Variants in KCND3 observed in about 807,000 individuals in gnomAD.
The protein encoded by KCND3 is A-type voltage-gated potassium channel KCND3.
Under a neutral mutation model 51.1 loss-of-function variants are expected in KCND3, and 9 were observed. That is an observed-to-expected ratio of 0.18 (90% CI 0.11 to 0.31). The LOEUF (loss-of-function observed/expected upper bound fraction) is 0.31. KCND3 is among the 10% of genes least tolerant of loss of function. KCND3 has a pLI of 1.00. For missense variants in KCND3, 526 were observed against 903.8 expected (o/e 0.58, Z 5.36); for synonymous variants, 349 against 368.0 (o/e 0.95, Z 0.59).
chr1:111,955,613 G>A (rs1189368883), intron 2 of KCND3, among the ~76,000 whole-genome samples: 1 of 152,190 alleles, frequency 6.6e-6, no homozygotes, highest in East Asian at 1.9e-4. Context: ...TGAACAGCTT[G>A]ACACAAGGTT....
At chr1:111,879,409 A>T (rs754074694) in intron 2 of KCND3, among the ~76,000 whole-genome samples, 3 of 152,152 alleles carry the variant, frequency 2.0e-5, no homozygotes, top group Non-Finnish European at 4.4e-5. Flanking sequence ...TGGCCCCTGA[A>T]ATACAGCCTT....
At chr1:111,884,570 G>A (rs1669484088) in intron 2 of KCND3, among the ~76,000 whole-genome samples, 1 of 152,198 alleles carries the variant, frequency 6.6e-6, no homozygotes, top group South Asian at 2.1e-4. Context: ...ACCACGCTGA[G>A]AGATCTCCTT....
At chr1:111,860,651 G>A (rs1668297225) in intron 2 of KCND3, among the ~76,000 whole-genome samples, 1 of 152,178 alleles carries the variant, frequency 6.6e-6, no homozygotes, top group African/African-American at 2.4e-5. Flanking sequence ...CATAGTGACA[G>A]TTCCAGTTTA....
At chr1:111,946,962 A>G (rs1672808155) in intron 2 of KCND3, among the ~76,000 whole-genome samples, 1 of 152,204 alleles carries the variant, frequency 6.6e-6, no homozygotes, top group Non-Finnish European at 1.5e-5. Flanking sequence ...TCCTATTTGC[A>G]TGGAATATCT....
intron 2 of KCND3, among the ~76,000 whole-genome samples, chr1:111,859,465 A>T (rs141531313): frequency 5.5e-4 from 84 of 152,340 alleles, no homozygotes; most frequent in African/African-American, 2.0e-3. Context: ...AGCTAGAACC[A>T]CTGAAGAGAC....
rs1020689509 is a variant in KCND3 at position 111,780,431 on chromosome 1, G to C, written c.1372-117C>G. On this transcript the variant is annotated intron_variant, in intron 4 of 7. Coordinates refer to ENST00000302127, the MANE Select transcript of KCND3 (RefSeq NM_001378969.1). The surrounding 1 kb of genome is among the most constrained non-coding windows in gnomAD (Gnocchi z 4.2). ...AGAATAATCAAATTTTTTTTTATTT[G>C]ACCAAATTTCAGGGTCAGCATTGAA... The C allele has an allele frequency of 1.8e-6, 2 of 1,100,196 alleles. No homozygotes were observed. The highest frequency in any genetic ancestry group is 2.7e-6 in the Non-Finnish European group (2 of 739,592). The allele number at this position is 1,100,196 out of a possible 1,614,324, so 68.2% of individuals were successfully genotyped here.
At chr1:111,841,394 G>T (rs114223583) in intron 2 of KCND3, among the ~76,000 whole-genome samples, 1 of 152,036 alleles carries the variant, frequency 6.6e-6, no homozygotes, top group Non-Finnish European at 1.5e-5. Context: ...ATGTTAACTT[G>T]TTTGACCACT....
intron 2 of KCND3, among the ~76,000 whole-genome samples, chr1:111,938,346 G>A (rs750455335): frequency 5.3e-5 from 8 of 152,204 alleles, no homozygotes; most frequent in Non-Finnish European, 7.3e-5. Context: ...GTTCATGTAT[G>A]AACATGAAAC....
At chr1:111,927,775 G>T (rs2083900) in intron 2 of KCND3, among the ~76,000 whole-genome samples, 1 of 152,168 alleles carries the variant, frequency 6.6e-6, no homozygotes, top group African/African-American at 2.4e-5. Context: ...TCAGAAAAGT[G>T]GGCCAGAAAT....
At position 111,974,709 on chromosome 1, in the gene KCND3, G is replaced by T. The variant is rs368121087; in HGVS notation, c.1106+6912C>A. Among the ~76,000 whole-genome samples the T allele has an allele frequency of 3.9e-5, 6 of 152,310 alleles. No homozygotes were observed. The South Asian group carries it at 1.2e-3, about 32-fold the overall frequency. ...CTGCCTTTTATTTATACTATCTTGA[G>T]GCAGAATAATTGCTGCTCCTCAGGA... On this transcript the variant is annotated intron_variant, in intron 2 of 7. Transcript: ENST00000302127.
chr1:111,866,263 C>CTTTTTTTTTTTTTTTT (rs11399761), intron 2 of KCND3, among the ~76,000 whole-genome samples: 2 of 54,220 alleles, frequency 3.7e-5, no homozygotes, highest in African/African-American at 9.2e-5. Flanking sequence ...CTTTTCTTTT[C>CTTTTTTTTTTTTTTTT]TTTTTTTTTT....
chr1:111,841,049 C>T (rs1327375702), intron 2 of KCND3, among the ~76,000 whole-genome samples: 3 of 152,212 alleles, frequency 2.0e-5, no homozygotes, highest in South Asian at 2.1e-4. Flanking sequence ...TTTGTCTGTT[C>T]CACCTTTTAA....
chr1:111,802,493 G>A (rs923947665), intron 2 of KCND3, among the ~76,000 whole-genome samples: 2 of 152,210 alleles, frequency 1.3e-5, no homozygotes, highest in Non-Finnish European at 2.9e-5. Flanking sequence ...TGACTTCGGG[G>A]CAGCGACTTA....
At chr1:111,980,660 T>C (rs1674900575) in intron 2 of KCND3, among the ~76,000 whole-genome samples, 2 of 152,340 alleles carry the variant, frequency 1.3e-5, no homozygotes, top group East Asian at 1.9e-4. Flanking sequence ...TGGTTTCTAA[T>C]AGCTGAGGCA....
chr1:111,918,423 T>A (rs1671324280), intron 2 of KCND3, among the ~76,000 whole-genome samples: 1 of 152,180 alleles, frequency 6.6e-6, no homozygotes, highest in Non-Finnish European at 1.5e-5. Flanking sequence ...TTCTCTAGCA[T>A]CTCTTAAGGA....
intron 2 of KCND3, among the ~76,000 whole-genome samples, chr1:111,948,318 CA>C (rs1408100953): frequency 6.6e-6 from 1 of 152,218 alleles, no homozygotes; most frequent in Non-Finnish European, 1.5e-5. Context: ...AAAGCAGCCA[CA>C]GACAAGTGCT....
chr1:111,883,336 T>C (rs969248787), intron 2 of KCND3, among the ~76,000 whole-genome samples: 1 of 152,252 alleles, frequency 6.6e-6, no homozygotes. Context: ...CAAGCTTACA[T>C]TCTTAACTTC....
At chr1:111,925,951 G>A (rs989618285) in intron 2 of KCND3, among the ~76,000 whole-genome samples, 8 of 152,004 alleles carry the variant, frequency 5.3e-5, no homozygotes, top group Non-Finnish European at 1.2e-4. Flanking sequence ...TCACAAAAAT[G>A]CCTTATTTGC....
intron 2 of KCND3, among the ~76,000 whole-genome samples, chr1:111,900,658 A>C (rs1303106595): frequency 1.3e-5 from 2 of 152,148 alleles, no homozygotes; most frequent in Non-Finnish European, 2.9e-5. Flanking sequence ...AATGCTAAAA[A>C]AAAAAAATAC....
Sources: allele counts gnomAD v4.1 joint callset (sites outside exome capture counted in the v4.1 genomes callset), GRCh38; gene constraint gnomAD v4.1.1; non-coding constraint Gnocchi (gnomAD v3.1); transcripts MANE v1.5; gene names NCBI Gene and HGNC (gene_info 2026-07-23, HGNC 2026-07-21).